The following PRIM2 variants were observed in gnomAD, a reference collection of about 807,000 sequenced individuals.
The protein encoded by PRIM2 is DNA primase large subunit.
A neutral mutation model predicts 67.3 loss-of-function variants in PRIM2; 39 were observed. The observed-to-expected ratio is 0.58, with a 90% confidence interval of 0.45 to 0.76. The LOEUF (loss-of-function observed/expected upper bound fraction) is 0.76, where lower values mean the gene tolerates loss of function less well. Among genes scored for constraint, PRIM2 ranks in the 30% least tolerant of loss-of-function variants. The pLI is 0.00. For synonymous variants in PRIM2, 143 were observed against 198.7 expected (o/e 0.72, Z 2.36); for missense variants, 398 against 598.7 (o/e 0.66, Z 3.50).
chr6:57,294,824 T>A, the PRIM2 span, among the ~76,000 whole-genome samples: 1 of 151,926 alleles, frequency 6.6e-6, no homozygotes, highest in African/African-American at 2.4e-5. Context: ...CTTTTTTTTT[T>A]TTTGAGACAC....
At chr6:57,476,499 T>C (rs1407917600) in intron 7 of PRIM2, among the ~76,000 whole-genome samples, 1 of 152,220 alleles carries the variant, frequency 6.6e-6, no homozygotes, top group Admixed American at 6.5e-5. Flanking sequence ...ACCATTCATC[T>C]GCTTCAGTTA....
rs1156576933 is a variant in PRIM2, at chr6:57,642,435, CTTTTTTT to C, written c.1300-3474_1300-3468del. Among the ~76,000 whole-genome samples, 272 of 83,204 alleles carry C rather than the reference CTTTTTTT, an allele frequency of 3.3e-3. 4 individuals are homozygous for C. The highest frequency in any genetic ancestry group is 0.025 in the Middle Eastern group (3 of 120). 54.6% of individuals were successfully genotyped at this position (83,204 alleles called of 152,430 possible). On this transcript the variant is annotated intron_variant, in intron 13 of 13. Transcript: ENST00000615550. ...TATGCACATACCTTAAATATTATATCTTTTTTTTTTTTTTTTTTTTTTTTTGAGACGG... is the reference window on the plus strand; with the variant it reads ...TATGCACATACCTTAAATATTATATCTTTTTTTTTTTTTTTTTTGAGACGG...
At chr6:57,564,745 T>C (rs1453935795) in intron 10 of PRIM2, among the ~76,000 whole-genome samples, 150 of 152,196 alleles carry the variant, frequency 9.9e-4, no homozygotes, top group Admixed American at 1.7e-3. Flanking sequence ...GCTCTGAAAA[T>C]GTTTTGAGGC....
the PRIM2 span, among the ~76,000 whole-genome samples, chr6:57,255,152 TG>T: frequency 6.6e-6 from 1 of 152,158 alleles, no homozygotes; most frequent in Non-Finnish European, 1.5e-5. Flanking sequence ...GATCTCTTCT[TG>T]GCTTCTAGGC....
At chr6:57,326,203 T>A (rs1767848858) in intron 5 of PRIM2, 158 bp downstream of exon 5, 4 of 683,612 alleles carry the variant, frequency 5.9e-6, no homozygotes, top group Non-Finnish European at 8.8e-6. Flanking sequence ...ATATCTTTCC[T>A]TCTCTATGAC....
chr6:57,262,911 C>T, the PRIM2 span, among the ~76,000 whole-genome samples: 1 of 152,136 alleles, frequency 6.6e-6, no homozygotes, highest in African/African-American at 2.4e-5. Context: ...ACCCATCTTC[C>T]TCTTCTATTT....
intron 7 of PRIM2, among the ~76,000 whole-genome samples, chr6:57,402,737 G>T (rs1182183294): frequency 1.3e-5 from 2 of 152,192 alleles, no homozygotes; most frequent in African/African-American, 4.8e-5. Flanking sequence ...TTGAATTTTA[G>T]TGTGTGTGCT....
chr6:57,522,088 C>T (rs1774637482), intron 8 of PRIM2, among the ~76,000 whole-genome samples: 1 of 151,758 alleles, frequency 6.6e-6, no homozygotes, highest in African/African-American at 2.4e-5. Context: ...AGGTTACCGC[C>T]AAGCTAATCA....
At chr6:57,380,843 C>T (rs554845298) in intron 6 of PRIM2, among the ~76,000 whole-genome samples, 69 of 146,832 alleles carry the variant, frequency 4.7e-4, no homozygotes, top group African/African-American at 1.7e-3. Context: ...TTTGTTTCCA[C>T]TGTGACCACC....
chr6:57,384,613 A>T (rs1466109330), intron 7 of PRIM2, among the ~76,000 whole-genome samples: 1 of 152,114 alleles, frequency 6.6e-6, no homozygotes, highest in Non-Finnish European at 1.5e-5. Flanking sequence ...CTAGCCTAAG[A>T]TCATGTGTCT....
At position 57,583,437 on chromosome 6, in the gene PRIM2, G is replaced by A. The variant is rs1190556542; in HGVS notation, c.1021-17656G>A. On this transcript the variant is annotated intron_variant, in intron 10 of 13. Transcript: ENST00000615550. Reference sequence around the variant, plus strand: ...AGTGAGAATATGCGGTTTGTTTTTTGTTCTTGCGATAGTTTACTGAGAATG... The same window carrying A: ...AGTGAGAATATGCGGTTTGTTTTTTATTCTTGCGATAGTTTACTGAGAATG... Among the ~76,000 whole-genome samples, 65 of 148,146 alleles carry A rather than the reference G, an allele frequency of 4.4e-4. 2 individuals carry two copies. Among genetic ancestry groups the A allele is most frequent in the South Asian group, 3.4e-3 (16 of 4,652 alleles).
chr6:57,483,601 G>A (rs1773680906), intron 7 of PRIM2, among the ~76,000 whole-genome samples: 1 of 152,126 alleles, frequency 6.6e-6, no homozygotes, highest in Admixed American at 6.5e-5. Flanking sequence ...ACTGGGCAAG[G>A]CAATTGCTAA....
intron 7 of PRIM2, among the ~76,000 whole-genome samples, chr6:57,406,742 T>A (rs1581872445): frequency 6.6e-6 from 1 of 152,294 alleles, no homozygotes; most frequent in East Asian, 1.9e-4. Flanking sequence ...AGACTCTTGC[T>A]GTTTTGTATA....
In PRIM2 at chr6:57,394,175, T is replaced by C. The variant is rs557493567; in HGVS notation, c.693+12007T>C. Among the ~76,000 whole-genome samples the C allele has an allele frequency of 2.6e-5, 4 of 152,130 alleles. No individual in the cohort carries two copies. In the South Asian group the frequency reaches 6.2e-4, roughly 24 times the overall value. ...TTTTGGTTCCATATGAATTTTAGAA[T>C]TGTTTTTTTCTAATTCTGTGAAGAA... is the stretch of plus-strand genomic sequence containing the variant. On this transcript the variant is annotated intron_variant, in intron 7 of 13. Transcript: ENST00000615550.
At chr6:57,271,018 G>T in the PRIM2 span, among the ~76,000 whole-genome samples, 1 of 152,082 alleles carries the variant, frequency 6.6e-6, no homozygotes, top group Admixed American at 6.5e-5. Context: ...TGTGCCGCTG[G>T]ATTTGGTTTG....
the PRIM2 span, among the ~76,000 whole-genome samples, chr6:57,223,899 A>G: frequency 6.6e-6 from 1 of 152,218 alleles, no homozygotes; most frequent in African/African-American, 2.4e-5. Flanking sequence ...TACGGCCACT[A>G]TGGAAAATTG....
At chr6:57,551,362 A>T (rs1326149970) in intron 10 of PRIM2, among the ~76,000 whole-genome samples, 4 of 152,304 alleles carry the variant, frequency 2.6e-5, no homozygotes, top group Non-Finnish European at 5.9e-5. Context: ...TAAGAATGTC[A>T]CCTGTTAAGT....
At chr6:57,340,026 C>G (rs1243056649) in intron 5 of PRIM2, among the ~76,000 whole-genome samples, 1 of 151,908 alleles carries the variant, frequency 6.6e-6, no homozygotes, top group African/African-American at 2.4e-5. Context: ...AAAAACAACC[C>G]CATCAAAAAG....
intron 10 of PRIM2, among the ~76,000 whole-genome samples, chr6:57,588,738 T>G (rs1433330302): frequency 6.6e-6 from 1 of 152,178 alleles, no homozygotes; most frequent in African/African-American, 2.4e-5. Context: ...ATTTTCATAT[T>G]ATTGGGCTAA....
Sources: gnomAD v4.1 joint callset for allele counts (sites outside exome capture counted in the v4.1 genomes callset) on GRCh38, gnomAD v4.1.1 for gene constraint, MANE v1.5 for transcripts, NCBI Gene and HGNC (gene_info 2026-07-23, HGNC 2026-07-21) for gene names.